RGSL1: variants seen among roughly 807,000 people sequenced by gnomAD.
The protein encoded by RGSL1 is regulator of G protein signaling like 1.
A neutral mutation model predicts 124.7 loss-of-function variants in RGSL1; 97 were observed. That is an observed-to-expected ratio of 0.78 (90% CI 0.66 to 0.92). The LOEUF is 0.92. Among genes scored for constraint, RGSL1 ranks in the 40% least tolerant of loss-of-function variants. RGSL1 has a pLI of 0.00. For synonymous variants in RGSL1, 424 were observed against 438.1 expected (o/e 0.97, Z 0.40); for missense variants, 1,233 against 1,288.4 (o/e 0.96, Z 0.66).
In RGSL1 at chr1:182,493,118, C is replaced by T. The variant is rs950710821; in HGVS notation, c.1814C>T (p.Ala605Val). ...GACTACAAAATATACTGTGAGAAAGCACCTAAAATAGGCAAGTGTTTAAAA... is the reference window on the plus strand; with the variant it reads ...GACTACAAAATATACTGTGAGAAAGTACCTAAAATAGGCAAGTGTTTAAAA... Reference protein sequence around the residue: ...SDDYKIYCEKAPKIDFKMEII... With the variant: ...SDDYKIYCEKVPKIDFKMEII... The change falls in exon 9 of 22, where the codon GCA becomes GTA. Residue 605 changes from alanine to valine, a missense_variant. By Grantham distance (64) the Ala-to-Val change is moderately conservative. Coordinates refer to ENST00000294854, the MANE Select transcript of RGSL1 (RefSeq NM_001137669.2). 1.9e-6 allele frequency: 3 copies of T among 1,548,552 alleles called. No individual in the cohort carries two copies. Among genetic ancestry groups the T allele is most frequent in the Non-Finnish European group, 8.7e-7 (1 of 1,144,334 alleles).
At chr1:182,463,347 C>A (rs1424032725) in intron 4 of RGSL1, among the ~76,000 whole-genome samples, 1 of 150,230 alleles carries the variant, frequency 6.7e-6, no homozygotes, top group African/African-American at 2.4e-5. Flanking sequence ...ATTAAACTTT[C>A]CAATAAAAAG....
rs539807496 is a variant in RGSL1, at chr1:182,526,524, A to T, written c.1932-1055A>T. On this transcript the variant is annotated intron_variant, in intron 10 of 21. Transcript: ENST00000294854. ...CTCTAAAAAAAAAAACACAAACATT[A>T]TTAGCAGGGCATGGTGGTGCACACC... 7.9e-5 allele frequency among the ~76,000 whole-genome samples: 12 copies of T among 151,932 alleles called. No homozygotes were observed. In the South Asian group the frequency reaches 2.1e-3, roughly 26 times the overall value.
Position 182,519,743 on chromosome 1 carries a change from T to G in RGSL1, c.1826-2261T>G, listed in dbSNP as rs183887218. Among the ~76,000 whole-genome samples, 147 of 152,236 alleles carry G rather than the reference T, an allele frequency of 9.7e-4. 1 individual carries two copies. The highest frequency in any genetic ancestry group is 9.0e-3 in the Admixed American group (138 of 15,294). On this transcript the variant is annotated intron_variant, in intron 9 of 21. Coordinates refer to ENST00000294854, the MANE Select transcript of RGSL1 (RefSeq NM_001137669.2). ...ATATTTCGTATACTTTTTTCTGTATTTTTCATTTTTCCCCCTCTGTGTGTT... is the reference window on the plus strand; with the variant it reads ...ATATTTCGTATACTTTTTTCTGTATGTTTCATTTTTCCCCCTCTGTGTGTT...
intron 10 of RGSL1, 58 bp from the exon 11 acceptor site, chr1:182,527,521 A>G (rs1354900004): frequency 7.0e-7 from 1 of 1,426,676 alleles, no homozygotes; most frequent in African/African-American, 1.4e-5. Context: ...CCTAATTGAA[A>G]CAGAATCCAG....
intron 11 of RGSL1, among the ~76,000 whole-genome samples, 193 bp downstream of exon 11, chr1:182,527,965 C>T (rs1658878080): frequency 6.6e-6 from 1 of 152,052 alleles, no homozygotes; most frequent in Admixed American, 6.6e-5. Context: ...AGTCTTAATA[C>T]GAGTTGTATT....
At chr1:182,477,280 T>C (rs1221408986) in intron 6 of RGSL1, among the ~76,000 whole-genome samples, 1 of 152,094 alleles carries the variant, frequency 6.6e-6, no homozygotes, top group African/African-American at 2.4e-5. Flanking sequence ...CAGTCCAGCA[T>C]CATTTGTCCA....
rs1444409443 is a variant in RGSL1 at position 182,474,545 on chromosome 1, A to G, written c.1431+3A>G. The G allele has an allele frequency of 2.0e-6, 3 of 1,531,650 alleles. No individual in the cohort carries two copies. The highest frequency in any genetic ancestry group is 1.4e-5 in the African/African-American group (1 of 72,104). The allele number at this position is 1,531,650 out of a possible 1,614,324, so 94.9% of individuals were successfully genotyped here. On this transcript the variant is annotated splice_donor_region_variant and intron_variant, in intron 6 of 21. Transcript: ENST00000294854. The stretch of plus-strand genomic sequence containing the variant: ...AAGCCCAGAAGGAGATTTGCAAGGT[A>G]GGCCATGCCTCACAGAAATAAGTTA...
chr1:182,522,330 TA>T (rs1255471915), intron 10 of RGSL1, among the ~76,000 whole-genome samples: 4 of 152,340 alleles, frequency 2.6e-5, no homozygotes, highest in Middle Eastern at 3.4e-3. Context: ...TTTTCAAACT[TA>T]AACTATCATA....
At chr1:182,461,421 G>T (rs1174054641) in intron 4 of RGSL1, among the ~76,000 whole-genome samples, 2 of 151,724 alleles carry the variant, frequency 1.3e-5, no homozygotes, top group Non-Finnish European at 2.9e-5. Flanking sequence ...ACATCATTAG[G>T]TTCAAATATT....
At chr1:182,548,894 C>A in intron 17 of RGSL1, 70 bp downstream of exon 17, 2 of 1,519,030 alleles carry the variant, frequency 1.3e-6, no homozygotes, top group Non-Finnish European at 1.8e-6. Context: ...GAGTTTTCTG[C>A]CTTCCTCTAG....
intron 9 of RGSL1, among the ~76,000 whole-genome samples, chr1:182,514,339 A>G (rs116050913): frequency 0.023 from 3,442 of 152,136 alleles, 50 homozygotes; most frequent in Non-Finnish European, 0.037. Flanking sequence ...GTGGGATCCC[A>G]TTTAGGGTCA....
At chr1:182,553,586 G>C (rs1375189970) in intron 19 of RGSL1, 45 bp downstream of exon 19, 2 of 1,515,870 alleles carry the variant, frequency 1.3e-6, no homozygotes, top group South Asian at 2.4e-5. Context: ...TACTCAATCA[G>C]AGGGGGACTT....
chr1:182,513,445 A>T (rs1433281995), intron 9 of RGSL1, among the ~76,000 whole-genome samples: 1 of 152,256 alleles, frequency 6.6e-6, no homozygotes, highest in Non-Finnish European at 1.5e-5. Flanking sequence ...AGTGCCAAAG[A>T]TTACAGAAAT....
rs1171487672 is a variant in RGSL1, at chr1:182,540,421, A to G, written c.2669A>G (p.Lys890Arg). 1.3e-6 allele frequency: 2 copies of G among 1,549,526 alleles called. No individual in the cohort carries two copies. Among genetic ancestry groups the G allele is most frequent in the Non-Finnish European group, 1.7e-6 (2 of 1,145,928 alleles). ...CTATATTTCTTTTCTGAAATGGAGA[A>G]GTAAGTTTTCCACTTCTCCTTCTTC... ...NDLYFFSEMEKFNDLVSSAHM... is the reference protein window; with the variant it reads ...NDLYFFSEMERFNDLVSSAHM... The change falls in exon 15 of 22, where the codon AAA becomes AGA. Residue 890 changes from lysine to arginine, a missense_variant and splice_region_variant. By Grantham distance (26) the Lys-to-Arg change is conservative (BLOSUM62 2). Coordinates refer to ENST00000294854, the MANE Select transcript of RGSL1 (RefSeq NM_001137669.2).
At chr1:182,511,756 C>G (rs1047023230) in intron 9 of RGSL1, among the ~76,000 whole-genome samples, 1 of 152,060 alleles carries the variant, frequency 6.6e-6, no homozygotes, top group Non-Finnish European at 1.5e-5. Context: ...ATATAAATTG[C>G]AGGATTTAAA....
chr1:182,453,828 C>T (rs1652047472), intron 1 of RGSL1, 130 bp from the exon 2 acceptor site: 2 of 606,684 alleles, frequency 3.3e-6, no homozygotes, highest in African/African-American at 3.7e-5. Context: ...AATTGAATTG[C>T]ATGACCCTAG....
chr1:182,545,829 T>A (rs1266066123), intron 15 of RGSL1, among the ~76,000 whole-genome samples: 1 of 152,182 alleles, frequency 6.6e-6, no homozygotes, highest in East Asian at 1.9e-4. Flanking sequence ...TTCTTCTTTT[T>A]CTGCTTTTAG....
chr1:182,524,920 G>T (rs558699540), intron 10 of RGSL1, among the ~76,000 whole-genome samples: 1 of 152,308 alleles, frequency 6.6e-6, no homozygotes. Flanking sequence ...AGATGCTCAA[G>T]AGAGACCGAA....
intron 9 of RGSL1, among the ~76,000 whole-genome samples, chr1:182,495,310 T>A (rs1049600382): frequency 6.6e-6 from 1 of 152,180 alleles, no homozygotes; most frequent in Non-Finnish European, 1.5e-5. Context: ...CTTGCTGGCA[T>A]CAACTGGCAG....
Sources: gnomAD v4.1 joint callset for allele counts (sites outside exome capture counted in the v4.1 genomes callset) on GRCh38, gnomAD v4.1.1 for gene constraint, MANE v1.5 for transcripts, NCBI Gene and HGNC (gene_info 2026-07-23, HGNC 2026-07-21) for gene names.